Variants in HAPLN2 observed in about 807,000 individuals in gnomAD.
HAPLN2 encodes the protein hyaluronan and proteoglycan link protein 2.
HAPLN2 carries 27 observed loss-of-function variants against 29.3 expected under a neutral mutation model. The ratio of observed to expected loss-of-function variants is 0.92; its 90% confidence interval spans 0.68 to 1.27. The LOEUF (loss-of-function observed/expected upper bound fraction) is 1.27, where lower values mean the gene tolerates loss of function less well. Ranked by LOEUF, HAPLN2 falls within the 50% of genes most tolerant of loss-of-function variation. The pLI, the probability that HAPLN2 is intolerant of heterozygous loss-of-function variation, is 0.00. For synonymous variants in HAPLN2, 208 were observed against 211.7 expected (o/e 0.98, Z 0.15); for missense variants, 454 against 484.3 (o/e 0.94, Z 0.59).
chr1:156,607,997 G>T, the HAPLN2 span, among the ~76,000 whole-genome samples: 1 of 151,990 alleles, frequency 6.6e-6, no homozygotes, highest in African/African-American at 2.4e-5. Flanking sequence ...GCCTAGGCAG[G>T]TTCTAATTTT....
chr1:156,619,403 GGACA>G (rs150569655), upstream of HAPLN2: 155 of 152,436 alleles, frequency 1.0e-3, no homozygotes, highest in African/African-American at 3.6e-3. Flanking sequence ...GAGAAGGAAA[GGACA>G]GACAGACAGA....
At chr1:156,624,909 G>GGGGGGGCCCCCC in intron 6 of HAPLN2, 126 bp downstream of exon 6, 1 of 999,516 alleles carries the variant, frequency 1.0e-6, no homozygotes, top group Non-Finnish European at 1.4e-6. Flanking sequence ...CCCCCCATCA[G>GGGGGGGCCCCCC]CCCGCCCGCC....
At chr1:156,603,160 T>TGAA in the HAPLN2 span, among the ~76,000 whole-genome samples, 8,417 of 152,096 alleles carry the variant, frequency 0.055, 340 homozygotes, top group African/African-American at 0.11. Flanking sequence ...AAACATTTTG[T>TGAA]GGAGAGACAT....
At chr1:156,606,089 G>T in the HAPLN2 span, among the ~76,000 whole-genome samples, 2 of 152,108 alleles carry the variant, frequency 1.3e-5, no homozygotes, top group Non-Finnish European at 2.9e-5. Flanking sequence ...TTCGAGACCA[G>T]CCTGGCCAAC....
Position 156,625,408 on chromosome 1 carries a change from G to T in HAPLN2, c.*24G>T. On this transcript the variant is annotated 3_prime_UTR_variant, in exon 7 of 7. Transcript: ENST00000255039. This position sits in a 1 kb window ranked among gnomAD's most constrained non-coding sequence, Gnocchi z 5.7. Reference sequence around the variant, plus strand: ...AGGCGCCCACCGTGTCCCCTCCAGCGCGCGCGAAGAAGCTTGGGAGTCGTG... The same window carrying T: ...AGGCGCCCACCGTGTCCCCTCCAGCTCGCGCGAAGAAGCTTGGGAGTCGTG... 1 of 1,554,244 alleles carries T rather than the reference G, an allele frequency of 6.4e-7. No homozygotes were observed. The highest frequency in any genetic ancestry group is 2.4e-5 in the East Asian group (1 of 42,272).
upstream of HAPLN2, chr1:156,615,227 T>A (rs1678028817): frequency 1.3e-5 from 2 of 152,224 alleles, no homozygotes; most frequent in Non-Finnish European, 2.9e-5. Context: ...CTAGAAGGTC[T>A]CCTATGCCCA....
upstream of HAPLN2, among the ~76,000 whole-genome samples, chr1:156,617,180 T>C (rs997084791): frequency 5.3e-5 from 8 of 152,068 alleles, no homozygotes; most frequent in Non-Finnish European, 1.2e-4. Context: ...CTTGTCTGAA[T>C]TGGACAGCCA....
Position 156,625,328 on chromosome 1 carries a change from G to T in HAPLN2, c.967G>T (p.Gly323Cys), listed in dbSNP as rs868723916. 6.3e-7 allele frequency: 1 copy of T among 1,595,994 alleles called. No homozygotes were observed. Among genetic ancestry groups the T allele is most frequent in the East Asian group, 2.3e-5 (1 of 43,646 alleles). Reference sequence around the variant, plus strand: ...CCCGGATCCCGGAGTGCGCAGTTTCGGCTTCCCCAGGCCCCAACAGGCAGC... The same window carrying T: ...CCCGGATCCCGGAGTGCGCAGTTTCTGCTTCCCCAGGCCCCAACAGGCAGC... ...GLPDPGVRSF[G>C]FPRPQQAAYG... Residue 323 changes from glycine to cysteine, a missense_variant, in exon 7 of 7, where the codon GGC (glycine) becomes TGC (cysteine). Gly to Cys is a radical substitution (Grantham distance 159). Transcript: ENST00000255039. The surrounding 1 kb of genome is among the most constrained non-coding windows in gnomAD (Gnocchi z 5.7).
At chr1:156,622,265 C>G (rs1347026941) in intron 2 of HAPLN2, among the ~76,000 whole-genome samples, 1 of 151,956 alleles carries the variant, frequency 6.6e-6, no homozygotes, top group Non-Finnish European at 1.5e-5. Flanking sequence ...GGGCAACATT[C>G]TGAAACTCCA....
chr1:156,610,106 TG>T, the HAPLN2 span, among the ~76,000 whole-genome samples: 1 of 151,780 alleles, frequency 6.6e-6, no homozygotes, highest in Non-Finnish European at 1.5e-5. Flanking sequence ...CCCAGGTCCT[TG>T]GGAGGCTGAG....
chr1:156,624,277 C>T (rs1678363485), intron 4 of HAPLN2, 74 bp from the exon 5 acceptor site: 2 of 1,511,280 alleles, frequency 1.3e-6, no homozygotes, highest in Non-Finnish European at 1.8e-6. Context: ...AGCTCCCTCT[C>T]CCAGGCCGCG....
chr1:156,612,255 C>T, the HAPLN2 span, among the ~76,000 whole-genome samples: 1 of 152,200 alleles, frequency 6.6e-6, no homozygotes, highest in Non-Finnish European at 1.5e-5. Flanking sequence ...AACTCCCAAC[C>T]TCAGGTGATC....
chr1:156,615,574 T>C (rs574208532), upstream of HAPLN2, among the ~76,000 whole-genome samples: 73 of 141,428 alleles, frequency 5.2e-4, no homozygotes, highest in Middle Eastern at 3.6e-3. Flanking sequence ...CTCTCTCTCT[T>C]TTTTTTTTTT....
At chr1:156,617,351 C>CTTTTT (rs36034383), upstream of HAPLN2, among the ~76,000 whole-genome samples, 1 of 126,622 alleles carries the variant, frequency 7.9e-6, no homozygotes, top group Admixed American at 8.5e-5. Flanking sequence ...GGGTATGGTT[C>CTTTTT]TTTTTTTTTT....
chr1:156,601,553 G>A, the HAPLN2 span: 1 of 1,278,164 alleles, frequency 7.8e-7, no homozygotes, highest in Non-Finnish European at 1.1e-6. Flanking sequence ...TTTTCCAGGA[G>A]AAACCATTGC....
rs1678417454 is a variant in HAPLN2, at chr1:156,625,365, A to C, written c.1004A>C (p.Tyr335Ser). The C allele has an allele frequency of 6.3e-7, 1 of 1,595,258 alleles. No individual in the cohort carries two copies. The highest frequency in any genetic ancestry group is 1.7e-5 in the Admixed American group (1 of 57,818). ...PRPQQAAYGT[Y>S]CYAEN is the part of the protein sequence containing the mutation. ...CCCCAACAGGCAGCCTATGGGACCT[A>C]CTGCTACGCCGAGAATTAGGCGCCC... is the stretch of plus-strand genomic sequence containing the variant. Residue 335 changes from tyrosine to serine, a missense_variant, in exon 7 of 7, where the codon TAC (tyrosine) becomes TCC (serine). Coordinates refer to ENST00000255039, the MANE Select transcript of HAPLN2 (RefSeq NM_021817.3). The surrounding 1 kb of genome is among the most constrained non-coding windows in gnomAD (Gnocchi z 5.7).
chr1:156,625,561 G>A lies in HAPLN2; in HGVS notation c.*177G>A. 1 of 611,530 alleles carries A rather than the reference G, an allele frequency of 1.6e-6. No homozygotes were observed. The highest frequency in any genetic ancestry group is 2.6e-6 in the Non-Finnish European group (1 of 386,036). 37.9% of individuals were successfully genotyped at this position (611,530 alleles called of 1,614,324 possible). ...ACCCCGGCTGGCCCGGCGGCGGGGA[G>A]GGGAGGCGGGGGCGCCTCCGGCGGC... On this transcript the variant is annotated 3_prime_UTR_variant, in exon 7 of 7. Coordinates refer to ENST00000255039, the MANE Select transcript of HAPLN2 (RefSeq NM_021817.3). The surrounding 1 kb of genome is among the most constrained non-coding windows in gnomAD (Gnocchi z 5.7).
chr1:156,619,894 G>T, intron 1 of HAPLN2, 124 bp from the exon 2 acceptor site: 1 of 152,442 alleles, frequency 6.6e-6, no homozygotes, highest in Non-Finnish European at 1.5e-5. Flanking sequence ...CTGGACACAG[G>T]TCTCTTAACA....
At chr1:156,617,077 G>A (rs1253516708), upstream of HAPLN2, among the ~76,000 whole-genome samples, 2 of 143,718 alleles carry the variant, frequency 1.4e-5, no homozygotes, top group Non-Finnish European at 3.1e-5. Flanking sequence ...GTGACAGAGT[G>A]AGACCCTGTT....
Sources: gnomAD v4.1 joint callset for allele counts (sites outside exome capture counted in the v4.1 genomes callset) on GRCh38, gnomAD v4.1.1 for gene constraint, Gnocchi (gnomAD v3.1) non-coding constraint, MANE v1.5 for transcripts, NCBI Gene and HGNC (gene_info 2026-07-23, HGNC 2026-07-21) for gene names.